DLGAP2: variants seen among roughly 807,000 people sequenced by gnomAD.
DLGAP2 encodes disks large-associated protein 2.
In DLGAP2, 26 loss-of-function variants were observed where a neutral mutation model predicts 100.3. That is an observed-to-expected ratio of 0.26 (90% CI 0.19 to 0.36). DLGAP2 has a LOEUF of 0.36. DLGAP2 is among the 10% of genes least tolerant of loss of function. The pLI is 1.00. For synonymous variants in DLGAP2, 886 were observed against 630.1 expected (o/e 1.41, Z -6.08); for missense variants, 1,858 against 1,453.2 (o/e 1.28, Z -4.53).
rs200501659 is a variant in DLGAP2 at position 1,069,061 on chromosome 8, G to A, written c.73+161095G>A. Among the ~76,000 whole-genome samples the A allele has an allele frequency of 1.4e-4, 21 of 152,316 alleles. No individual in the cohort carries two copies. The East Asian group carries it at 2.7e-3, about 20-fold the overall frequency. On this transcript the variant is annotated intron_variant, in intron 2 of 14. Coordinates refer to ENST00000637795, the MANE Select transcript of DLGAP2 (RefSeq NM_001346810.2). ...ACATTAAAAATCCCCGGCTGAAGTT[G>A]GCGGGTAGCACTGCCCTGCACTAGA...
chr8:1,381,169 C>G (rs1367167551), intron 3 of DLGAP2: 1 of 152,016 alleles, frequency 6.6e-6, no homozygotes, highest in African/African-American at 2.4e-5. Flanking sequence ...GGACAAGCAA[C>G]CAGAACAGGT....
rs1244203320 is a variant in DLGAP2 at position 1,702,647 on chromosome 8, G to A, written c.*1241G>A. On this transcript the variant is annotated 3_prime_UTR_variant, in exon 15 of 15. Coordinates refer to ENST00000637795, the MANE Select transcript of DLGAP2 (RefSeq NM_001346810.2). ...AAAAAAAATTGGTGTTCATGACTCT[G>A]TGGTCGGTGCCAGAGGAAAATAGGA... 6.6e-6 allele frequency: 1 copy of A among 152,330 alleles called. No individual in the cohort carries two copies. Among genetic ancestry groups the A allele is most frequent in the African/African-American group, 2.4e-5 (1 of 41,432 alleles). The allele number at this position is 152,330 out of a possible 1,614,324, so 9.4% of individuals were successfully genotyped here.
chr8:1,382,996 T>TA (rs1796131601), intron 3 of DLGAP2, among the ~76,000 whole-genome samples: 1 of 152,230 alleles, frequency 6.6e-6, no homozygotes, highest in Admixed American at 6.5e-5. Flanking sequence ...ATCAGGCTGA[T>TA]ACAATTAGCA....
At chr8:795,534 A>C (rs995729796) in intron 1 of DLGAP2, among the ~76,000 whole-genome samples, 1 of 152,278 alleles carries the variant, frequency 6.6e-6, no homozygotes, top group Non-Finnish European at 1.5e-5. Flanking sequence ...TGCAGTGTGC[A>C]CTGACATAAG....
intron 2 of DLGAP2, among the ~76,000 whole-genome samples, chr8:999,128 G>C (rs1800869108): frequency 6.6e-6 from 1 of 152,118 alleles, no homozygotes; most frequent in Non-Finnish European, 1.5e-5. Flanking sequence ...GACATTTTCT[G>C]ATATTTGTTA....
chr8:1,116,612 T>A (rs887789051), intron 2 of DLGAP2, among the ~76,000 whole-genome samples: 12 of 152,046 alleles, frequency 7.9e-5, no homozygotes, highest in African/African-American at 2.7e-4. Context: ...CCTGGGCAAC[T>A]TGGCAAAACC....
At position 1,510,987 on chromosome 8, in the gene DLGAP2, T is replaced by A. The variant is rs1302131115; in HGVS notation, c.172+9556T>A. On this transcript the variant is annotated intron_variant, in intron 4 of 14. Coordinates refer to ENST00000637795, the MANE Select transcript of DLGAP2 (RefSeq NM_001346810.2). ...TGCTAATGAGTTAGGCTTCTCCAGATAAATCTGTGAGAATGTTCCATTTTC... is the reference window on the plus strand; with the variant it reads ...TGCTAATGAGTTAGGCTTCTCCAGAAAAATCTGTGAGAATGTTCCATTTTC... 2.0e-5 allele frequency among the ~76,000 whole-genome samples: 3 copies of A among 152,256 alleles called. No homozygotes were observed. The East Asian group carries it at 5.8e-4, about 29-fold the overall frequency.
intron 2 of DLGAP2, among the ~76,000 whole-genome samples, chr8:1,140,226 C>T (rs575039699): frequency 2.0e-5 from 3 of 152,222 alleles, no homozygotes; most frequent in Admixed American, 6.5e-5. Context: ...GCGCTCGTCC[C>T]GCTCTGCCGA....
At chr8:1,563,937 G>GA (rs899577449) in intron 5 of DLGAP2, among the ~76,000 whole-genome samples, 2 of 151,660 alleles carry the variant, frequency 1.3e-5, no homozygotes, top group South Asian at 2.1e-4. Context: ...TTACAGCAAG[G>GA]AAAAAAAATA....
chr8:1,115,188 A>G (rs1030680298), intron 2 of DLGAP2, among the ~76,000 whole-genome samples: 6 of 152,218 alleles, frequency 3.9e-5, no homozygotes, highest in Non-Finnish European at 7.3e-5. Flanking sequence ...AGAGTGTTCT[A>G]TAGAGGTCTG....
intron 2 of DLGAP2, among the ~76,000 whole-genome samples, chr8:1,024,773 T>C (rs1390144386): frequency 6.6e-6 from 1 of 152,156 alleles, no homozygotes; most frequent in African/African-American, 2.4e-5. Flanking sequence ...CGGACCTTCT[T>C]ATGGAGCCTC....
At chr8:1,194,705 G>T (rs1797712316) in intron 2 of DLGAP2, among the ~76,000 whole-genome samples, 2 of 152,194 alleles carry the variant, frequency 1.3e-5, no homozygotes, top group African/African-American at 4.8e-5. Flanking sequence ...AGCTGCTTCA[G>T]GTGTCCTGGG....
chr8:751,502 G>A (rs114378191), intron 1 of DLGAP2, among the ~76,000 whole-genome samples: 1 of 152,226 alleles, frequency 6.6e-6, no homozygotes, highest in Admixed American at 6.5e-5. Flanking sequence ...ACGGAAGTTG[G>A]ATCGTGAGGT....
At chr8:791,044 A>G (rs1822013464) in intron 1 of DLGAP2, among the ~76,000 whole-genome samples, 1 of 152,262 alleles carries the variant, frequency 6.6e-6, no homozygotes, top group South Asian at 2.1e-4. Flanking sequence ...CGCCCGGACC[A>G]ACATGCATTT....
At chr8:1,243,594 C>G (rs1400770587) in intron 2 of DLGAP2, among the ~76,000 whole-genome samples, 1 of 152,048 alleles carries the variant, frequency 6.6e-6, no homozygotes, top group Non-Finnish European at 1.5e-5. Flanking sequence ...TTCTGGTTTC[C>G]TCACATTAAT....
At chr8:914,903 T>G (rs916531420) in intron 2 of DLGAP2, among the ~76,000 whole-genome samples, 16 of 152,186 alleles carry the variant, frequency 1.1e-4, no homozygotes, top group African/African-American at 3.9e-4. Flanking sequence ...CTACAGTTAC[T>G]TTTTGGGAGA....
chr8:844,489 C>T (rs2132720892), intron 1 of DLGAP2, among the ~76,000 whole-genome samples: 1 of 152,280 alleles, frequency 6.6e-6, no homozygotes, highest in Admixed American at 6.5e-5. Context: ...TGGTAGACTA[C>T]AGTCTCTCTC....
chr8:797,396 A>G (rs998244439), intron 1 of DLGAP2, among the ~76,000 whole-genome samples: 1 of 152,108 alleles, frequency 6.6e-6, no homozygotes, highest in African/African-American at 2.4e-5. Flanking sequence ...TTTCTTTCCT[A>G]TTGTTGATGA....
chr8:1,658,478 C>G (rs1008805937), intron 8 of DLGAP2, among the ~76,000 whole-genome samples: 4 of 151,990 alleles, frequency 2.6e-5, no homozygotes, highest in African/African-American at 9.7e-5. Context: ...TGGTCCTGGG[C>G]TTTTTTTGGT....
Sources: gnomAD v4.1 joint callset for allele counts (sites outside exome capture counted in the v4.1 genomes callset) on GRCh38, gnomAD v4.1.1 for gene constraint, MANE v1.5 for transcripts, NCBI Gene and HGNC (gene_info 2026-07-23, HGNC 2026-07-21) for gene names.